AARS2: variants seen among roughly 807,000 people sequenced by gnomAD.
The protein encoded by AARS2 is alanyl-tRNA synthetase 2, mitochondrial, also known as alanine--tRNA ligase, mitochondrial.
Under a neutral mutation model 119.7 loss-of-function variants are expected in AARS2, and 78 were observed. The observed-to-expected ratio is 0.65, with a 90% confidence interval of 0.54 to 0.79. The LOEUF (loss-of-function observed/expected upper bound fraction) is 0.79, where lower values mean the gene tolerates loss of function less well. AARS2 is among the 30% of genes least tolerant of loss of function. The pLI, the probability that AARS2 is intolerant of heterozygous loss-of-function variation, is 0.00. For missense variants in AARS2, 1,157 were observed against 1,291.3 expected (o/e 0.90, Z 1.59); for synonymous variants, 502 against 526.3 (o/e 0.95, Z 0.63).
Position 44,312,189 on chromosome 6 carries a change from CTGGCTGT to C in AARS2, c.311_317del (p.Asn104ArgfsTer4), listed in dbSNP as rs1786417872. ...GGTGTCCTCCAGCTCTCACACATTT[CTGGCTGT>C]TGGCCACACGTCGGAAGCCTGCCAT... On this transcript the variant is annotated frameshift_variant, in exon 2 of 22. Coordinates refer to ENST00000244571, the MANE Select transcript of AARS2 (RefSeq NM_020745.4). LOFTEE classifies it high-confidence loss of function. The C allele has an allele frequency of 6.2e-7, 1 of 1,614,252 alleles. No homozygotes were observed. The highest frequency in any genetic ancestry group is 1.3e-5 in the African/African-American group (1 of 75,078).
intron 1 of AARS2, 126 bp from the exon 2 acceptor site, chr6:44,312,389 G>A: frequency 1.0e-6 from 1 of 957,240 alleles, no homozygotes; most frequent in Non-Finnish European, 1.6e-6. Context: ...AGAGTGCAGT[G>A]TAATCTTGGT....
rs745307412 is a variant in AARS2, at chr6:44,300,525, T to C, written c.*22A>G. ...CTCCTGGCATTGCCTTTAGTCCATG[T>C]GGGTCCCTGGGCGGACCTGGGTCAG... On this transcript the variant is annotated 3_prime_UTR_variant, in exon 22 of 22. Coordinates refer to ENST00000244571, the MANE Select transcript of AARS2 (RefSeq NM_020745.4). 1 of 1,613,876 alleles carries C rather than the reference T, an allele frequency of 6.2e-7. No individual in the cohort carries two copies. Among genetic ancestry groups the C allele is most frequent in the East Asian group, 2.2e-5 (1 of 44,878 alleles).
Position 44,310,398 on chromosome 6 carries a change from GT to G in AARS2, c.794del (p.Asp265AlafsTer45). ...CCAGCCTTTCCAGGCCCATTCCTGTGTCCACATGCCGCTGGGGCAGGGGCTG... is the reference window on the plus strand; with the variant it reads ...CCAGCCTTTCCAGGCCCATTCCTGTGCCACATGCCGCTGGGGCAGGGGCTG... ...SLQPLPQRHVDTGMGLERLVA... is the reference protein window; with the variant it reads ...SLQPLPQRHVXTGMGLERLVA... On this transcript the variant is annotated frameshift_variant, in exon 5 of 22. Coordinates refer to ENST00000244571, the MANE Select transcript of AARS2 (RefSeq NM_020745.4). LOFTEE classifies it high-confidence loss of function. The G allele has an allele frequency of 6.2e-7, 1 of 1,614,160 alleles. No individual in the cohort carries two copies. Among genetic ancestry groups the G allele is most frequent in the Non-Finnish European group, 8.5e-7 (1 of 1,179,992 alleles).
Position 44,313,162 on chromosome 6 carries a change from A to G in AARS2, c.162T>C (p.His54=), listed in dbSNP as rs139144637. 8.7e-5 allele frequency: 141 copies of G among 1,613,094 alleles called. No individual in the cohort carries two copies. The highest frequency in any genetic ancestry group is 1.2e-4 in the Non-Finnish European group (138 of 1,179,800). ...AAGCGGAGGGCACCAGCCGGTGGCCATGGCGGTCCCGAAAGAAGTTCAGAA... is the reference window on the plus strand; with the variant it reads ...AAGCGGAGGGCACCAGCCGGTGGCCGTGGCGGTCCCGAAAGAAGTTCAGAA... The part of the protein sequence containing the change: ...AAFLNFFRDR[H]GHRLVPSASV... The change falls in exon 1 of 22, where the codon CAT becomes CAC. Residue 54 remains histidine (H), a synonymous_variant. Transcript: ENST00000244571.
At chr6:44,312,991 G>T in intron 1 of AARS2, 90 bp downstream of exon 1, 1 of 1,570,544 alleles carries the variant, frequency 6.4e-7, no homozygotes, top group Non-Finnish European at 8.6e-7. Flanking sequence ...TACGAACTCC[G>T]CCTCTCGCTT....
intron 11 of AARS2, 99 bp from the exon 12 acceptor site, chr6:44,304,916 C>A (rs1412771538): frequency 5.0e-6 from 8 of 1,604,836 alleles, no homozygotes; most frequent in Non-Finnish European, 6.8e-6. Flanking sequence ...CTGGCAGGGG[C>A]ACTTCCAGCT....
At position 44,305,635 on chromosome 6, in the gene AARS2, G is replaced by C; in HGVS notation, c.1434+18C>G. The stretch of plus-strand genomic sequence containing the variant: ...AGGTGTCCTAACAGAACCCAGCATG[G>C]GGTGCCACAGCTTGTACCTGGGCCT... On this transcript the variant is annotated intron_variant, in intron 10 of 21. Transcript: ENST00000244571. This position sits in a 1 kb window ranked among gnomAD's most constrained non-coding sequence, Gnocchi z 4.6. 1 of 1,613,632 alleles carries C rather than the reference G, an allele frequency of 6.2e-7. No individual in the cohort carries two copies. The highest frequency in any genetic ancestry group is 8.5e-7 in the Non-Finnish European group (1 of 1,179,980).
chr6:44,313,241 C>T lies in AARS2; in HGVS notation c.83G>A (p.Arg28Gln). Residue 28 changes from arginine (R) to glutamine (Q), a missense_variant, in exon 1 of 22, where the codon CGG becomes CAG. Arg to Gln is a conservative substitution (Grantham distance 43, BLOSUM62 1). Coordinates refer to ENST00000244571, the MANE Select transcript of AARS2 (RefSeq NM_020745.4). ...TGCAGGGGGCTCCGATGAGAGCGGC[C>T]GATGGCTGAGGCCCCGCCATGCGGG... ...RSPAWRGLSHRPLSSEPPAAK... is the reference protein window; with the variant it reads ...RSPAWRGLSHQPLSSEPPAAK... The T allele has an allele frequency of 6.3e-7, 1 of 1,583,998 alleles. No individual in the cohort carries two copies. Among genetic ancestry groups the T allele is most frequent in the Non-Finnish European group, 8.5e-7 (1 of 1,170,638 alleles).
chr6:44,310,323 G>A lies in AARS2; in HGVS notation c.870C>T (p.Ser290=), dbSNP rs201847782. The change falls in exon 5 of 22, where the codon TCC becomes TCT. Residue 290 remains serine, a synonymous_variant. Transcript: ENST00000244571. ...CCTGCTGTATGGCGTTGAGCAGCGG[G>A]GAAAAGAGGTCAGTGTCATAGGTGG... is the stretch of plus-strand genomic sequence containing the variant. ...KHSTYDTDLF[S]PLLNAIQQGC... is the part of the protein sequence containing the mutation. 12 of 1,608,652 alleles carry A rather than the reference G, an allele frequency of 7.5e-6. No homozygotes were observed. The East Asian group carries it at 2.5e-4, about 33-fold the overall frequency.
At chr6:44,310,510 T>G in intron 4 of AARS2, 67 bp from the exon 5 acceptor site, 1 of 1,594,942 alleles carries the variant, frequency 6.3e-7, no homozygotes, top group South Asian at 1.1e-5. Flanking sequence ...GATGCCCAAG[T>G]GGAGTAGAGA....
In AARS2 at chr6:44,304,335, G is replaced by T; in HGVS notation, c.1867-14C>A. 6.2e-7 allele frequency: 1 copy of T among 1,614,188 alleles called. No individual in the cohort carries two copies. The highest frequency in any genetic ancestry group is 2.2e-5 in the East Asian group (1 of 44,880). ...TAGACGCCAGGCCTGAAATACTTTT[G>T]TCACCCAGCGTCCTGGGTGAGGGCA... On this transcript the variant is annotated splice_polypyrimidine_tract_variant and intron_variant, in intron 13 of 21. Coordinates refer to ENST00000244571, the MANE Select transcript of AARS2 (RefSeq NM_020745.4).
chr6:44,303,031 G>C lies in AARS2; in HGVS notation c.2255+35C>G, dbSNP rs325002. The C allele has an allele frequency of 4.7e-5, 75 of 1,612,032 alleles. No homozygotes were observed. In the Middle Eastern group the frequency reaches 5.0e-4, roughly 11 times the overall value. ...ACCAAGGGAAGGGCAAGGATCCGGG[G>C]CCCCTGGGCCAGGCAGCACAAAGGA... is the stretch of plus-strand genomic sequence containing the variant. On this transcript the variant is annotated intron_variant, in intron 16 of 21. Transcript: ENST00000244571.
intron 21 of AARS2, chr6:44,300,930 T>A: frequency 1.4e-6 from 1 of 731,452 alleles, no homozygotes; most frequent in Non-Finnish European, 2.3e-6. Flanking sequence ...ACAAGGGATG[T>A]GAGGCCTGGG....
At position 44,301,219 on chromosome 6, in the gene AARS2, C is replaced by T. The variant is rs201616927; in HGVS notation, c.2730G>A (p.Thr910=). The T allele has an allele frequency of 5.5e-5, 89 of 1,613,746 alleles. No individual in the cohort carries two copies. The East Asian group carries it at 6.2e-4, about 11-fold the overall frequency. Residue 910 remains threonine (T), a synonymous_variant, in exon 21 of 22, where the codon ACG becomes ACA. Transcript: ENST00000244571. The part of the protein sequence containing the change: ...VRQLCEQAPS[T]SVLLLSPQPM... ...GCTGGGGGCTGAGTAGGAGCACAGA[C>T]GTGCTGGGGGCCTGCTCACACAGCT...
chr6:44,309,726 T>A (rs1786186998), intron 5 of AARS2, among the ~76,000 whole-genome samples: 1 of 152,024 alleles, frequency 6.6e-6, no homozygotes, highest in African/African-American at 2.4e-5. Flanking sequence ...GATTTCTCTT[T>A]CCCCTCCCCA....
At position 44,299,716 on chromosome 6, in the gene AARS2, A is replaced by G. The variant is rs1785203809; in HGVS notation, c.*831T>C. ...TAAATTAGAGGTCATTGTTAATGAA[A>G]GAAGTAATAGCAAAGAAGGTCTCCA... On this transcript the variant is annotated 3_prime_UTR_variant, in exon 22 of 22. Transcript: ENST00000244571. 6.6e-6 allele frequency: 1 copy of G among 152,226 alleles called. No individual in the cohort carries two copies. The highest frequency in any genetic ancestry group is 6.5e-5 in the Admixed American group (1 of 15,292). The allele number at this position is 152,226 out of a possible 1,614,324, so 9.4% of individuals were successfully genotyped here.
In AARS2 at chr6:44,306,250, C is replaced by T. The variant is rs1486501089; in HGVS notation, c.1300+30G>A. ...CCACCTTGGTGAGTCTCAGCGAGCCCCTTGTGCATGGGCTAGGTATCCTGC... is the reference window on the plus strand; with the variant it reads ...CCACCTTGGTGAGTCTCAGCGAGCCTCTTGTGCATGGGCTAGGTATCCTGC... On this transcript the variant is annotated intron_variant, in intron 9 of 21. Coordinates refer to ENST00000244571, the MANE Select transcript of AARS2 (RefSeq NM_020745.4). The T allele has an allele frequency of 1.9e-6, 3 of 1,608,422 alleles. No individual in the cohort carries two copies. The African/African-American group carries it at 4.0e-5, about 22-fold the overall frequency.
At chr6:44,301,528 C>T (rs1280279454) in intron 19 of AARS2, 64 bp from the exon 20 acceptor site, 1 of 1,451,342 alleles carries the variant, frequency 6.9e-7, no homozygotes, top group Admixed American at 1.7e-5. Context: ...TTAGCCCCAA[C>T]TTCTGAACTA....
chr6:44,310,208 C>T, intron 5 of AARS2, 91 bp downstream of exon 5: 1 of 1,488,586 alleles, frequency 6.7e-7, no homozygotes, highest in East Asian at 2.5e-5. Flanking sequence ...ATGCTGAGAA[C>T]ACTCTGAGTT....
Sources: allele counts gnomAD v4.1 joint callset (sites outside exome capture counted in the v4.1 genomes callset), GRCh38; gene constraint gnomAD v4.1.1; non-coding constraint Gnocchi (gnomAD v3.1); transcripts MANE v1.5; gene names NCBI Gene and HGNC (gene_info 2026-07-23, HGNC 2026-07-21).